LRP5: variants seen among roughly 807,000 people sequenced by gnomAD.
LRP5 encodes LDL receptor related protein 5, also known as low-density lipoprotein receptor-related protein 5.
Under a neutral mutation model 154.1 loss-of-function variants are expected in LRP5, and 62 were observed. That is an observed-to-expected ratio of 0.40 (90% CI 0.33 to 0.50). The LOEUF is 0.50. Among genes scored for constraint, LRP5 ranks in the 20% least tolerant of loss-of-function variants. The pLI, the probability that LRP5 is intolerant of heterozygous loss-of-function variation, is 0.55. For synonymous variants in LRP5, 966 were observed against 1,011.5 expected (o/e 0.96, Z 0.85); for missense variants, 1,915 against 2,336.7 (o/e 0.82, Z 3.72).
chr11:68,440,270 A>G (rs1175388788), intron 21 of LRP5, among the ~76,000 whole-genome samples: 1 of 152,172 alleles, frequency 6.6e-6, no homozygotes, highest in Non-Finnish European at 1.5e-5. Flanking sequence ...GCCTCCCCAC[A>G]GGGTTCCCTC....
At chr11:68,393,471 C>T (rs1011494104) in intron 7 of LRP5, among the ~76,000 whole-genome samples, 5 of 152,212 alleles carry the variant, frequency 3.3e-5, no homozygotes, top group East Asian at 3.9e-4. Flanking sequence ...TCCTCACAAA[C>T]GCTTCTTTTC....
At chr11:68,383,614 G>A (rs7101866) in intron 5 of LRP5, among the ~76,000 whole-genome samples, 7,034 of 152,326 alleles carry the variant, frequency 0.046, 545 homozygotes, top group African/African-American at 0.16. Context: ...TTTCGGTCTC[G>A]GATTCTCCCT....
chr11:68,390,864 G>A (rs1251317963), intron 7 of LRP5, among the ~76,000 whole-genome samples: 10 of 152,150 alleles, frequency 6.6e-5, no homozygotes, highest in African/African-American at 9.7e-5. Context: ...CCCTGCCGCT[G>A]TGGTCGGGTT....
chr11:68,305,966 G>A, the LRP5 span, among the ~76,000 whole-genome samples: 2 of 152,206 alleles, frequency 1.3e-5, no homozygotes, highest in Non-Finnish European at 2.9e-5. Context: ...TGGAGGTGTT[G>A]GCAGGGCTGT....
chr11:68,436,505 A>C (rs1352008548), intron 18 of LRP5, among the ~76,000 whole-genome samples: 7 of 143,224 alleles, frequency 4.9e-5, no homozygotes, highest in South Asian at 2.3e-4. Context: ...CACAGCCCCC[A>C]CTCTCGGGAG....
At chr11:68,326,733 A>C (rs1284336013) in intron 1 of LRP5, among the ~76,000 whole-genome samples, 1 of 152,240 alleles carries the variant, frequency 6.6e-6, no homozygotes, top group Non-Finnish European at 1.5e-5. Flanking sequence ...CTGGCCCTCC[A>C]GCTGTGAGCC....
chr11:68,341,295 C>T (rs1333177887), intron 1 of LRP5, among the ~76,000 whole-genome samples: 2 of 151,856 alleles, frequency 1.3e-5, no homozygotes, highest in South Asian at 2.1e-4. Context: ...CTGGTGGGTC[C>T]TGGGGTGTGA....
At chr11:68,309,582 T>C (rs2098586496), upstream of LRP5, among the ~76,000 whole-genome samples, 2 of 28,386 alleles carry the variant, frequency 7.0e-5, no homozygotes, top group South Asian at 4.3e-3. Flanking sequence ...TCATAATGCT[T>C]TTTTTTTTTT....
chr11:68,419,449 G>T lies in LRP5; in HGVS notation c.3027+2922G>T, dbSNP rs2098664318. Among the ~76,000 whole-genome samples, 5 of 151,880 alleles carry T rather than the reference G, an allele frequency of 3.3e-5. No individual in the cohort carries two copies. In the South Asian group the frequency reaches 1.0e-3, roughly 32 times the overall value. ...AGAGACCCGCTATGTTGCCCAGGCT[G>T]GTCTCAACTCCTGGACTCAAGCCAT... On this transcript the variant is annotated intron_variant, in intron 13 of 22. Transcript: ENST00000294304.
At position 68,406,926 on chromosome 11, in the gene LRP5, C is replaced by T. The variant is rs569598335; in HGVS notation, c.2091+113C>T. The T allele has an allele frequency of 3.9e-5, 43 of 1,110,096 alleles. 1 individual carries two copies. Among genetic ancestry groups the T allele is most frequent in the South Asian group, 2.4e-4 (18 of 73,594 alleles). The allele number at this position is 1,110,096 out of a possible 1,614,324, so 68.8% of individuals were successfully genotyped here. A position where few individuals can be genotyped will look rare whatever the true frequency, so the allele number is the denominator to read the frequency against. ...TAAAGCACTATCGTATTTATTGTAACGCAGTTCAAGCTAATCAAATATGAG... is the reference window on the plus strand; with the variant it reads ...TAAAGCACTATCGTATTTATTGTAATGCAGTTCAAGCTAATCAAATATGAG... On this transcript the variant is annotated intron_variant, in intron 9 of 22. Transcript: ENST00000294304.
At chr11:68,434,155 G>A (rs1022287847) in intron 18 of LRP5, among the ~76,000 whole-genome samples, 7 of 152,186 alleles carry the variant, frequency 4.6e-5, no homozygotes, top group African/African-American at 7.2e-5. Context: ...TGGAAAATCC[G>A]CCCCCAAAAG....
At chr11:68,445,761 C>T (rs539113540) in intron 21 of LRP5, 2 of 925,196 alleles carry the variant, frequency 2.2e-6, no homozygotes, top group African/African-American at 3.4e-5. Flanking sequence ...TTGTGTGCTG[C>T]CTGGACCTGG....
At chr11:68,432,591 G>A (rs377011403) in intron 17 of LRP5, among the ~76,000 whole-genome samples, 4 of 152,218 alleles carry the variant, frequency 2.6e-5, no homozygotes, top group African/African-American at 4.8e-5. Context: ...GCTTGAAACC[G>A]ATGTTTTTTA....
In LRP5 at chr11:68,411,020, C is replaced by T. The variant is rs78200001; in HGVS notation, c.2319-416C>T. On this transcript the variant is annotated intron_variant, in intron 10 of 22. Transcript: ENST00000294304. Reference sequence around the variant, plus strand: ...GGCTGCTGGGGGAGGAGCCCAGAGCCGAGTTTACATCCGGATCCCGCAAGG... The same window carrying T: ...GGCTGCTGGGGGAGGAGCCCAGAGCTGAGTTTACATCCGGATCCCGCAAGG... 7.0e-4 allele frequency among the ~76,000 whole-genome samples: 106 copies of T among 152,218 alleles called. No homozygotes were observed. In the East Asian group the frequency reaches 0.017, roughly 25 times the overall value.
intron 18 of LRP5, among the ~76,000 whole-genome samples, chr11:68,435,483 G>GGAGA (rs10634157): frequency 0.014 from 2,165 of 150,334 alleles, 65 homozygotes; most frequent in African/African-American, 0.051. Flanking sequence ...AGGGAGCAAC[G>GGAGA]GAGAGAGAGA....
At chr11:68,381,376 G>A (rs778807887) in intron 5 of LRP5, among the ~76,000 whole-genome samples, 4 of 152,196 alleles carry the variant, frequency 2.6e-5, no homozygotes, top group African/African-American at 9.7e-5. Flanking sequence ...GGGGACAGAG[G>A]TGGGCAGGGA....
intron 8 of LRP5, chr11:68,404,010 T>G: frequency 2.1e-6 from 1 of 487,106 alleles, no homozygotes; most frequent in Non-Finnish European, 3.8e-6. Flanking sequence ...GCAAATGTAG[T>G]TCCTTGCCCT....
At chr11:68,371,352 G>A (rs1351790586) in intron 5 of LRP5, among the ~76,000 whole-genome samples, 5 of 152,152 alleles carry the variant, frequency 3.3e-5, no homozygotes, top group Middle Eastern at 3.2e-3. Context: ...GGACAGGCAC[G>A]GCCTAGCATT....
chr11:68,425,027 TG>T, intron 14 of LRP5, 74 bp from the exon 15 acceptor site: 1 of 1,372,320 alleles, frequency 7.3e-7, no homozygotes, highest in Non-Finnish European at 1.0e-6. Context: ...ACAGCCCAGC[TG>T]GGTGCCCTGG....
Sources: allele counts gnomAD v4.1 joint callset (sites outside exome capture counted in the v4.1 genomes callset), GRCh38; gene constraint gnomAD v4.1.1; transcripts MANE v1.5; gene names NCBI Gene and HGNC (gene_info 2026-07-23, HGNC 2026-07-21).